The following NEMP2 variants were observed in gnomAD, a reference collection of about 807,000 sequenced individuals.
NEMP2 encodes the protein nuclear envelope integral membrane protein 2.
A neutral mutation model predicts 54.2 loss-of-function variants in NEMP2; 53 were observed. That is an observed-to-expected ratio of 0.98 (90% CI 0.78 to 1.23). NEMP2 has a LOEUF of 1.23. Among genes scored for constraint, NEMP2 ranks in the 50% most tolerant of loss-of-function variants. The pLI is 0.00. For synonymous variants in NEMP2, 197 were observed against 190.3 expected (o/e 1.04, Z -0.29); for missense variants, 455 against 511.3 (o/e 0.89, Z 1.06).
chr2:190,463,074 CAA>C, the NEMP2 span, among the ~76,000 whole-genome samples: 1 of 152,064 alleles, frequency 6.6e-6, no homozygotes, highest in Admixed American at 6.5e-5. This position sits in a 1 kb window ranked among gnomAD's most constrained non-coding sequence, Gnocchi z 4.4. Flanking sequence ...GGAGAGAAGA[CAA>C]GAGATTCCAG....
downstream of NEMP2, chr2:190,499,763 T>A (rs767006579): frequency 7.8e-6 from 11 of 1,418,536 alleles, no homozygotes; most frequent in Non-Finnish European, 1.0e-5. The surrounding 1 kb of genome is among the most constrained non-coding windows in gnomAD (Gnocchi z 6.0). Flanking sequence ...GACATTTTGG[T>A]AGTAATGTTC....
the NEMP2 span, among the ~76,000 whole-genome samples, chr2:190,548,905 G>C: frequency 6.6e-6 from 1 of 152,240 alleles, no homozygotes; most frequent in South Asian, 2.1e-4. Flanking sequence ...CCACCATCCT[G>C]ATTTTTATAA....
chr2:190,504,013 G>C (rs918593887), downstream of NEMP2, among the ~76,000 whole-genome samples: 3 of 152,196 alleles, frequency 2.0e-5, no homozygotes, highest in Non-Finnish European at 4.4e-5. This position sits in a 1 kb window ranked among gnomAD's most constrained non-coding sequence, Gnocchi z 5.6. Context: ...AGGACCACTT[G>C]TCCCCCACTG....
chr2:190,580,818 G>C, the NEMP2 span, among the ~76,000 whole-genome samples: 1 of 152,144 alleles, frequency 6.6e-6, no homozygotes, highest in Non-Finnish European at 1.5e-5. This position sits in a 1 kb window ranked among gnomAD's most constrained non-coding sequence, Gnocchi z 5.3. Flanking sequence ...TTGTAAGAAG[G>C]GTCTCCATCT....
the NEMP2 span, among the ~76,000 whole-genome samples, chr2:190,575,792 G>T: frequency 6.6e-6 from 1 of 151,934 alleles, no homozygotes; most frequent in Non-Finnish European, 1.5e-5. Flanking sequence ...GGAGGCGGAG[G>T]TTGCAGTGAG....
Position 190,520,362 on chromosome 2 carries a change from G to A in NEMP2, c.214-1179C>T, listed in dbSNP as rs527501667. Among the ~76,000 whole-genome samples the A allele has an allele frequency of 6.6e-5, 10 of 152,292 alleles. No homozygotes were observed. Among genetic ancestry groups the A allele is most frequent in the Admixed American group, 1.3e-4 (2 of 15,302 alleles). ...CAGAACAAAGCACTAGCTACAAGCC[G>A]ATGGTGACAACCCAGTGGTCATTAA... On this transcript the variant is annotated intron_variant, in intron 2 of 8. Coordinates refer to ENST00000409150, the MANE Select transcript of NEMP2 (RefSeq NM_001142645.2). The surrounding 1 kb of genome is among the most constrained non-coding windows in gnomAD (Gnocchi z 5.4).
the NEMP2 span, among the ~76,000 whole-genome samples, chr2:190,455,515 G>C: frequency 3.3e-5 from 5 of 152,264 alleles, no homozygotes; most frequent in African/African-American, 1.2e-4. Flanking sequence ...TCTGCAGTTT[G>C]TTGATCTGCA....
chr2:190,533,932 C>A lies in NEMP2; in HGVS notation c.97+627G>T. The A allele has an allele frequency of 1.0e-6, 1 of 976,320 alleles. No homozygotes were observed. The highest frequency in any genetic ancestry group is 4.7e-5 in the South Asian group (1 of 21,118). The allele number at this position is 976,320 out of a possible 1,614,324, so 60.5% of individuals were successfully genotyped here. ...CTCCGTGGCGAGCCCCTACAGCTAG[C>A]AGCCGCTACCAGTTCTTGCTTCCTG... On this transcript the variant is annotated intron_variant, in intron 1 of 8. Coordinates refer to ENST00000409150, the MANE Select transcript of NEMP2 (RefSeq NM_001142645.2). This position sits in a 1 kb window ranked among gnomAD's most constrained non-coding sequence, Gnocchi z 4.3.
At chr2:190,634,884 T>A in the NEMP2 span, among the ~76,000 whole-genome samples, 1 of 152,222 alleles carries the variant, frequency 6.6e-6, no homozygotes, top group African/African-American at 2.4e-5. The surrounding 1 kb of genome is among the most constrained non-coding windows in gnomAD (Gnocchi z 6.8). Flanking sequence ...AACACTTGGT[T>A]AGGAAGGCTG....
the NEMP2 span, among the ~76,000 whole-genome samples, chr2:190,555,856 G>T: frequency 3.0e-4 from 46 of 152,212 alleles, no homozygotes; most frequent in African/African-American, 1.1e-3. The surrounding 1 kb of genome is among the most constrained non-coding windows in gnomAD (Gnocchi z 4.8). Context: ...ACCAAAAAAA[G>T]TCCAGGACCA....
At chr2:190,611,940 A>G in the NEMP2 span, among the ~76,000 whole-genome samples, 1 of 152,128 alleles carries the variant, frequency 6.6e-6, no homozygotes, top group African/African-American at 2.4e-5. This position sits in a 1 kb window ranked among gnomAD's most constrained non-coding sequence, Gnocchi z 5.4. Flanking sequence ...TTCAAACTCC[A>G]TGTGTCCCAG....
chr2:190,579,976 C>T, the NEMP2 span, among the ~76,000 whole-genome samples: 2 of 152,192 alleles, frequency 1.3e-5, no homozygotes, highest in South Asian at 2.1e-4. Flanking sequence ...ACTTCCTTAG[C>T]TTTCCAAAGG....
At chr2:190,578,833 C>T in the NEMP2 span, among the ~76,000 whole-genome samples, 1 of 152,008 alleles carries the variant, frequency 6.6e-6, no homozygotes, top group Non-Finnish European at 1.5e-5. This position sits in a 1 kb window ranked among gnomAD's most constrained non-coding sequence, Gnocchi z 4.4. Flanking sequence ...ACACCCATTT[C>T]ACAAAGGAAA....
chr2:190,606,531 GC>G, the NEMP2 span, among the ~76,000 whole-genome samples: 1 of 152,178 alleles, frequency 6.6e-6, no homozygotes, highest in South Asian at 2.1e-4. Flanking sequence ...GGCCAACATG[GC>G]AAAACCCCGT....
Position 190,519,226 on chromosome 2 carries a change from T to C in NEMP2, c.214-43A>G. The C allele has an allele frequency of 7.7e-7, 1 of 1,293,834 alleles. No homozygotes were observed. The highest frequency in any genetic ancestry group is 1.1e-6 in the Non-Finnish European group (1 of 937,506). 80.1% of individuals were successfully genotyped at this position (1,293,834 alleles called of 1,614,324 possible). A position where few individuals can be genotyped will look rare whatever the true frequency, so the allele number is the denominator to read the frequency against. On this transcript the variant is annotated intron_variant, in intron 2 of 8. Coordinates refer to ENST00000409150, the MANE Select transcript of NEMP2 (RefSeq NM_001142645.2). This position sits in a 1 kb window ranked among gnomAD's most constrained non-coding sequence, Gnocchi z 5.4. ...GCAAATCCATAAACAGAATAACTTCTCTTTTTTGTTTTGGAGACAGGGTCT... is the reference window on the plus strand; with the variant it reads ...GCAAATCCATAAACAGAATAACTTCCCTTTTTTGTTTTGGAGACAGGGTCT...
chr2:190,618,966 G>A, the NEMP2 span, among the ~76,000 whole-genome samples: 9 of 152,190 alleles, frequency 5.9e-5, no homozygotes, highest in Non-Finnish European at 1.2e-4. Flanking sequence ...TTTTAAACTT[G>A]TAATTCTTGC....
chr2:190,449,507 C>A, the NEMP2 span, among the ~76,000 whole-genome samples: 1 of 152,016 alleles, frequency 6.6e-6, no homozygotes, highest in South Asian at 2.1e-4. Flanking sequence ...CTGTGTCCAA[C>A]AACTTTGATT....
rs1690181274 is a variant in NEMP2 at position 190,506,109 on chromosome 2, T to C, written c.*3080A>G. ...GTTGTGAATCACTACCTGTACCAACTATATGAATTGACTAACAAGAGACAG... is the reference window on the plus strand; with the variant it reads ...GTTGTGAATCACTACCTGTACCAACCATATGAATTGACTAACAAGAGACAG... On this transcript the variant is annotated 3_prime_UTR_variant, in exon 9 of 9. Coordinates refer to ENST00000409150, the MANE Select transcript of NEMP2 (RefSeq NM_001142645.2). This position sits in a 1 kb window ranked among gnomAD's most constrained non-coding sequence, Gnocchi z 6.3. 6.6e-6 allele frequency: 1 copy of C among 152,222 alleles called. No homozygotes were observed. Among genetic ancestry groups the C allele is most frequent in the Non-Finnish European group, 1.5e-5 (1 of 68,038 alleles). The allele number at this position is 152,222 out of a possible 1,614,324, so 9.4% of individuals were successfully genotyped here.
upstream of NEMP2, among the ~76,000 whole-genome samples, chr2:190,536,496 T>A (rs955926245): frequency 2.0e-5 from 3 of 152,100 alleles, no homozygotes; most frequent in Non-Finnish European, 4.4e-5. Context: ...TTGGCTGCAA[T>A]GGGAAAGTGT....
Sources: allele counts gnomAD v4.1 joint callset (sites outside exome capture counted in the v4.1 genomes callset), GRCh38; gene constraint gnomAD v4.1.1; non-coding constraint Gnocchi (gnomAD v3.1); transcripts MANE v1.5; gene names NCBI Gene and HGNC (gene_info 2026-07-23, HGNC 2026-07-21).